The following RUFY1 variants were observed in gnomAD, a reference collection of about 807,000 sequenced individuals.
The protein encoded by RUFY1 is RUN and FYVE domain containing 1, also known as RUN and FYVE domain-containing protein 1.
RUFY1 carries 54 observed loss-of-function variants against 94.6 expected under a neutral mutation model. That is an observed-to-expected ratio of 0.57 (90% CI 0.46 to 0.72). The LOEUF is 0.72. Among genes scored for constraint, RUFY1 ranks in the 30% least tolerant of loss-of-function variants. RUFY1 has a pLI of 0.00. For missense variants in RUFY1, 883 were observed against 883.9 expected, an observed-to-expected ratio of 1.00 and a Z score of 0.01; for synonymous variants, 396 against 347.3, an observed-to-expected ratio of 1.14 and a Z score of -1.56.
intron 2 of RUFY1, 147 bp from the exon 3 acceptor site, chr5:179,562,400 C>T: frequency 1.6e-6 from 1 of 621,528 alleles, no homozygotes; most frequent in Non-Finnish European, 2.9e-6. Context: ...AGTAAGACTC[C>T]ATCTCAAAAA....
chr5:179,557,291 A>C (rs1762158730), intron 1 of RUFY1, among the ~76,000 whole-genome samples: 1 of 152,134 alleles, frequency 6.6e-6, no homozygotes. Context: ...TTACCTGGGC[A>C]TGGTGGCGGG....
rs1761791871 is a variant in RUFY1, at chr5:179,550,833, C to A, written c.264C>A (p.Ala88=). The change falls in exon 1 of 18, where the codon GCC becomes GCA. Residue 88 remains alanine, a synonymous_variant. Transcript: ENST00000319449. ...SASCGSALRA[A]AGLGGGDSGD... ...GCTGCGGGAGCGCGCTGCGCGCGGC[C>A]GCGGGGCTGGGCGGCGGGGACAGCG... 8.0e-7 allele frequency: 1 copy of A among 1,245,122 alleles called. No homozygotes were observed. The highest frequency in any genetic ancestry group is 4.4e-5 in the Admixed American group (1 of 22,738). The allele number at this position is 1,245,122 out of a possible 1,614,324, so 77.1% of individuals were successfully genotyped here.
At chr5:179,596,790 G>T in intron 13 of RUFY1, 109 bp downstream of exon 13, 1 of 346,470 alleles carries the variant, frequency 2.9e-6, no homozygotes, top group Admixed American at 4.7e-5. Context: ...GGGGGGGCGG[G>T]GGGGCAGGTG....
intron 1 of RUFY1, 51 bp from the exon 2 acceptor site, chr5:179,559,974 C>T (rs1312600826): frequency 1.9e-6 from 3 of 1,571,254 alleles, no homozygotes; most frequent in African/African-American, 1.3e-5. Flanking sequence ...CGGAGTCTGA[C>T]CTCCCCACGC....
intron 4 of RUFY1, among the ~76,000 whole-genome samples, chr5:179,568,432 C>T (rs1762992636): frequency 6.6e-6 from 1 of 152,186 alleles, no homozygotes; most frequent in East Asian, 1.9e-4. Flanking sequence ...CATTTTACAG[C>T]ATAGCCTAAA....
At chr5:179,605,469 C>G (rs1314965743) in intron 15 of RUFY1, among the ~76,000 whole-genome samples, 1 of 152,172 alleles carries the variant, frequency 6.6e-6, no homozygotes, top group Non-Finnish European at 1.5e-5. Flanking sequence ...CCCTTCCAGA[C>G]AGCAGGCAGC....
In RUFY1 at chr5:179,609,206, CAAAA is replaced by C. The variant is rs5873655; in HGVS notation, c.1984-154_1984-151del. On this transcript the variant is annotated intron_variant, in intron 17 of 17. Transcript: ENST00000319449. ...CGGGCGACTGAGCAAGACTCTATCT[CAAAA>C]AAAAAAAAAAAAAAAGACCCTTGTT... Among the ~76,000 whole-genome samples, 548 of 121,386 alleles carry C rather than the reference CAAAA, an allele frequency of 4.5e-3. 1 individual carries two copies. The highest frequency in any genetic ancestry group is 6.8e-3 in the African/African-American group (208 of 30,636). 79.6% of individuals were successfully genotyped at this position (121,386 alleles called of 152,430 possible).
chr5:179,608,794 G>T (rs906076089), intron 17 of RUFY1, among the ~76,000 whole-genome samples: 1 of 151,940 alleles, frequency 6.6e-6, no homozygotes, highest in East Asian at 1.9e-4. Context: ...AACCGGGCAC[G>T]GTGGCAGGCA....
chr5:179,554,617 T>G (rs1581410890), intron 1 of RUFY1, among the ~76,000 whole-genome samples: 2 of 152,074 alleles, frequency 1.3e-5, no homozygotes, highest in South Asian at 4.1e-4. Context: ...TGTTTGGTTT[T>G]GGGGGATTTT....
intron 3 of RUFY1, among the ~76,000 whole-genome samples, chr5:179,564,036 G>C (rs996927262): frequency 6.6e-6 from 1 of 151,370 alleles, no homozygotes; most frequent in Non-Finnish European, 1.5e-5. Context: ...TCTTTATATG[G>C]TACAATTTCT....
At chr5:179,553,395 G>A (rs535928040) in intron 1 of RUFY1, among the ~76,000 whole-genome samples, 1 of 152,332 alleles carries the variant, frequency 6.6e-6, no homozygotes, top group African/African-American at 2.4e-5. Flanking sequence ...GGCACAGGGT[G>A]ATGAGTACCA....
At chr5:179,579,871 GTT>G (rs1763980273) in intron 6 of RUFY1, among the ~76,000 whole-genome samples, 1 of 151,266 alleles carries the variant, frequency 6.6e-6, no homozygotes, top group Admixed American at 6.6e-5. Context: ...GTTTCACCGT[GTT>G]GACCAGGCTG....
In RUFY1 at chr5:179,609,991, C is replaced by G. The variant is rs1213497913; in HGVS notation, c.*472C>G. The G allele has an allele frequency of 6.5e-6, 1 of 153,546 alleles. No homozygotes were observed. Among genetic ancestry groups the G allele is most frequent in the Non-Finnish European group, 1.5e-5 (1 of 68,732 alleles). 9.5% of individuals were successfully genotyped at this position (153,546 alleles called of 1,614,324 possible). ...TTGTGACTACCTATCATTGGCCCTGCAATAAAATCATTTATTTTTCACTCT... is the reference window on the plus strand; with the variant it reads ...TTGTGACTACCTATCATTGGCCCTGGAATAAAATCATTTATTTTTCACTCT... On this transcript the variant is annotated 3_prime_UTR_variant, in exon 18 of 18. Coordinates refer to ENST00000319449, the MANE Select transcript of RUFY1 (RefSeq NM_025158.5).
At chr5:179,555,626 T>A (rs1224273019) in intron 1 of RUFY1, 10 of 260,344 alleles carry the variant, frequency 3.8e-5, no homozygotes, top group South Asian at 1.8e-4. Flanking sequence ...CCCAACTTTT[T>A]TTTTTTTTTT....
chr5:179,589,671 G>A (rs1471303391), intron 9 of RUFY1, 24 bp downstream of exon 9: 5 of 1,517,934 alleles, frequency 3.3e-6, no homozygotes, highest in Non-Finnish European at 4.6e-6. Context: ...CTACATTTGG[G>A]CAGCATGTTT....
intron 9 of RUFY1, chr5:179,590,930 T>C (rs1381099584): frequency 6.6e-6 from 1 of 152,028 alleles, no homozygotes; most frequent in Admixed American, 6.6e-5. Context: ...ACCTCCCGGA[T>C]TCAAGCGATT....
At chr5:179,608,933 AAAAG>A (rs989637005) in intron 17 of RUFY1, among the ~76,000 whole-genome samples, 2 of 144,998 alleles carry the variant, frequency 1.4e-5, no homozygotes, top group African/African-American at 5.1e-5. Context: ...AAAAAAAAAA[AAAAG>A]CCGGGCGCGG....
At chr5:179,551,724 A>C (rs1761864278) in intron 1 of RUFY1, among the ~76,000 whole-genome samples, 1 of 138,762 alleles carries the variant, frequency 7.2e-6, no homozygotes, top group South Asian at 2.3e-4. Flanking sequence ...CATCTTGGCC[A>C]GGCTGGTCTT....
chr5:179,594,372 TC>T (rs1243860048), intron 11 of RUFY1, among the ~76,000 whole-genome samples: 1 of 151,458 alleles, frequency 6.6e-6, no homozygotes, highest in East Asian at 2.0e-4. Flanking sequence ...TTCTGAGTCT[TC>T]CGGGCCACAT....
Sources: gnomAD v4.1 joint callset for allele counts (sites outside exome capture counted in the v4.1 genomes callset) on GRCh38, gnomAD v4.1.1 for gene constraint, MANE v1.5 for transcripts, NCBI Gene and HGNC (gene_info 2026-07-23, HGNC 2026-07-21) for gene names.